The following CDH12 variants were observed in gnomAD, a reference collection of about 807,000 sequenced individuals.
CDH12 encodes cadherin-12.
Under a neutral mutation model 74.1 loss-of-function variants are expected in CDH12, and 41 were observed. The ratio of observed to expected loss-of-function variants is 0.55; its 90% CI spans 0.43 to 0.72. CDH12 has a LOEUF of 0.72. Ranked by LOEUF, CDH12 falls within the 30% of genes least tolerant of loss-of-function variation. The pLI, the probability that CDH12 is intolerant of heterozygous loss-of-function variation, is 0.00. For synonymous variants in CDH12, 399 were observed against 355.0 expected, an observed-to-expected ratio of 1.12 and a Z score of -1.39; for missense variants, 945 against 977.2, an observed-to-expected ratio of 0.97 and a Z score of 0.44.
At chr5:21,797,152 T>G (rs1232782774) in intron 10 of CDH12, among the ~76,000 whole-genome samples, 5 of 151,960 alleles carry the variant, frequency 3.3e-5, no homozygotes, top group African/African-American at 1.2e-4. Flanking sequence ...AGTCCTTGGT[T>G]GTGGCATTGA....
At chr5:22,674,001 G>A (rs78979177) in intron 1 of CDH12, among the ~76,000 whole-genome samples, 17,880 of 152,126 alleles carry the variant, frequency 0.12, 1,378 homozygotes, top group Admixed American at 0.2. Flanking sequence ...ATTTTGAGAA[G>A]TTTTCTCCTT....
At chr5:22,582,421 C>T (rs1326467351) in intron 1 of CDH12, among the ~76,000 whole-genome samples, 1 of 151,986 alleles carries the variant, frequency 6.6e-6, no homozygotes, top group African/African-American at 2.4e-5. Flanking sequence ...TACTTTTTTC[C>T]TCCCACTTAA....
intron 1 of CDH12, among the ~76,000 whole-genome samples, chr5:22,747,618 A>G (rs1745362287): frequency 6.6e-6 from 1 of 151,216 alleles, no homozygotes; most frequent in South Asian, 2.1e-4. Context: ...AAAAAAAAAA[A>G]AAAAAAGAGA....
At chr5:22,209,251 AAAT>A (rs1403430639) in intron 4 of CDH12, among the ~76,000 whole-genome samples, 4 of 152,194 alleles carry the variant, frequency 2.6e-5, no homozygotes, top group Non-Finnish European at 5.9e-5. Flanking sequence ...ATTAATTGAA[AAAT>A]ATTACCACAA....
chr5:22,418,849 A>C (rs960618644), intron 2 of CDH12, among the ~76,000 whole-genome samples: 1 of 152,086 alleles, frequency 6.6e-6, no homozygotes, highest in African/African-American at 2.4e-5. Context: ...ACACCACTGC[A>C]CTCCAGCCTG....
At chr5:21,872,314 T>C (rs889593877) in intron 6 of CDH12, among the ~76,000 whole-genome samples, 1 of 152,186 alleles carries the variant, frequency 6.6e-6, no homozygotes, top group Non-Finnish European at 1.5e-5. Context: ...TATTTACACC[T>C]TGTGATTCAA....
chr5:21,994,661 A>G (rs1736163278), intron 5 of CDH12, among the ~76,000 whole-genome samples: 1 of 152,142 alleles, frequency 6.6e-6, no homozygotes, highest in Non-Finnish European at 1.5e-5. Context: ...TACAGTTGGA[A>G]ACAACTCTGT....
At chr5:22,539,942 T>C (rs1738025872) in intron 1 of CDH12, among the ~76,000 whole-genome samples, 1 of 152,204 alleles carries the variant, frequency 6.6e-6, no homozygotes, top group Admixed American at 6.5e-5. Flanking sequence ...GCTATCAGAC[T>C]GTTTTTAATT....
intron 6 of CDH12, among the ~76,000 whole-genome samples, chr5:21,953,296 C>T (rs1363209323): frequency 1.3e-5 from 2 of 152,120 alleles, no homozygotes; most frequent in East Asian, 1.9e-4. Flanking sequence ...CCACTTATGA[C>T]GTACAAGCTC....
intron 3 of CDH12, chr5:22,278,139 GAGA>G (rs1168797698): frequency 2.0e-5 from 3 of 152,294 alleles, no homozygotes; most frequent in African/African-American, 7.2e-5. Context: ...TTCTTAATAA[GAGA>G]AGATGTTTTA....
chr5:22,427,914 T>C (rs890246746), intron 2 of CDH12, among the ~76,000 whole-genome samples: 2 of 152,200 alleles, frequency 1.3e-5, no homozygotes, highest in African/African-American at 4.8e-5. Context: ...AAATATCATT[T>C]TTATTCTGGG....
intron 14 of CDH12, among the ~76,000 whole-genome samples, chr5:21,753,146 G>T (rs1368666840): frequency 6.6e-6 from 1 of 152,164 alleles, no homozygotes; most frequent in African/African-American, 2.4e-5. Flanking sequence ...CCATAGTGGT[G>T]TCAACAGGTG....
intron 1 of CDH12, among the ~76,000 whole-genome samples, chr5:22,812,477 C>A (rs1749198029): frequency 6.6e-6 from 1 of 152,106 alleles, no homozygotes; most frequent in African/African-American, 2.4e-5. Flanking sequence ...GAGCATTAAG[C>A]CAAGTACAGG....
intron 1 of CDH12, among the ~76,000 whole-genome samples, chr5:22,734,200 T>C (rs1032244175): frequency 1.3e-5 from 2 of 152,006 alleles, no homozygotes; most frequent in African/African-American, 4.8e-5. Flanking sequence ...TTAGAAATTG[T>C]ATGTATTCAA....
chr5:22,579,043 C>T (rs1739943733), intron 1 of CDH12, among the ~76,000 whole-genome samples: 1 of 152,156 alleles, frequency 6.6e-6, no homozygotes, highest in Admixed American at 6.5e-5. Flanking sequence ...CCTACGACTT[C>T]TATCACATCT....
chr5:21,840,880 G>A (rs1016778777), intron 8 of CDH12, among the ~76,000 whole-genome samples: 4 of 152,172 alleles, frequency 2.6e-5, no homozygotes, highest in East Asian at 3.9e-4. Flanking sequence ...AGACTTAAAC[G>A]TTAGACCTAA....
At chr5:21,960,088 T>C (rs1490020384) in intron 6 of CDH12, among the ~76,000 whole-genome samples, 2 of 151,990 alleles carry the variant, frequency 1.3e-5, no homozygotes, top group Admixed American at 6.6e-5. Flanking sequence ...ACAATAATAG[T>C]AGGAGACTTT....
At chr5:22,039,140 C>T (rs1339385338) in intron 5 of CDH12, among the ~76,000 whole-genome samples, 1 of 152,068 alleles carries the variant, frequency 6.6e-6, no homozygotes, top group Non-Finnish European at 1.5e-5. Flanking sequence ...GATCCAGGGT[C>T]TACTACATGG....
intron 6 of CDH12, among the ~76,000 whole-genome samples, chr5:21,881,519 G>A (rs1273425208): frequency 2.6e-5 from 4 of 152,182 alleles, no homozygotes; most frequent in Non-Finnish European, 5.9e-5. Context: ...CCAGGGAACA[G>A]AGAAGTTCTT....
Sources: allele counts gnomAD v4.1 joint callset (sites outside exome capture counted in the v4.1 genomes callset), GRCh38; gene constraint gnomAD v4.1.1; transcripts MANE v1.5; gene names NCBI Gene and HGNC (gene_info 2026-07-23, HGNC 2026-07-21).